PHACTR4: variants seen among roughly 807,000 people sequenced by gnomAD.
PHACTR4 encodes phosphatase and actin regulator 4, also known as protein phosphatase 1, regulatory subunit 124.
Under a neutral mutation model 72.7 loss-of-function variants are expected in PHACTR4, and 51 were observed. The ratio of observed to expected loss-of-function variants is 0.70; its 90% CI spans 0.56 to 0.89. The LOEUF is 0.89. PHACTR4 is among the 40% of genes least tolerant of loss of function. The probability of loss-of-function intolerance (pLI) is 0.00; values close to 1 mark genes in which losing one functional copy is unlikely to be tolerated. For synonymous variants in PHACTR4, 255 were observed against 302.5 expected, an observed-to-expected ratio of 0.84 and a Z score of 1.63; for missense variants, 731 against 861.8, an observed-to-expected ratio of 0.85 and a Z score of 1.90.
intron 1 of PHACTR4, among the ~76,000 whole-genome samples, chr1:28,379,393 C>T (rs1339779689): frequency 6.6e-6 from 1 of 151,486 alleles, no homozygotes; most frequent in Non-Finnish European, 1.5e-5. Flanking sequence ...CCACCTCAGC[C>T]TCCCGGGTAG....
intron 2 of PHACTR4, among the ~76,000 whole-genome samples, chr1:28,425,244 C>T (rs1018009418): frequency 1.3e-5 from 2 of 151,974 alleles, no homozygotes; most frequent in African/African-American, 4.8e-5. Context: ...TTAGCCTCCC[C>T]AGTAGCTGGG....
chr1:28,496,157 C>T (rs1421697231), intron 13 of PHACTR4, among the ~76,000 whole-genome samples: 5 of 149,496 alleles, frequency 3.3e-5, no homozygotes, highest in Admixed American at 2.0e-4. Context: ...CCCAGGTTCA[C>T]GCCATTCTCC....
At chr1:28,444,272 C>T in intron 2 of PHACTR4, among the ~76,000 whole-genome samples, 1 of 113,562 alleles carries the variant, frequency 8.8e-6, no homozygotes. Context: ...TGTCGCCAGG[C>T]TGGAATGCAG....
chr1:28,465,703 A>T lies in PHACTR4; in HGVS notation c.290A>T (p.Lys97Met). 6.2e-7 allele frequency: 1 copy of T among 1,613,728 alleles called. No homozygotes were observed. The change falls in exon 5 of 14, where the codon AAG becomes ATG. Residue 97 changes from lysine to methionine, a missense_variant. Lys to Met is a moderately conservative substitution (Grantham distance 95). Around this residue, in one of 2 missense-constraint regions of PHACTR4, gnomAD observed 621 missense variants for 676.6 expected, o/e 0.92. Coordinates refer to ENST00000373839, the MANE Select transcript of PHACTR4 (RefSeq NM_001048183.3). The stretch of plus-strand genomic sequence containing the variant: ...CTTGCAGGTGGTGAGGATCCAGGAA[A>T]GCCAAGCGATGCCATGTTAAAGAAT... Reference protein sequence around the residue: ...DPEQGGEDPGKPSDAMLKNGH... With the variant: ...DPEQGGEDPGMPSDAMLKNGH...
At chr1:28,404,256 C>T (rs1241591488) in intron 1 of PHACTR4, among the ~76,000 whole-genome samples, 2 of 121,762 alleles carry the variant, frequency 1.6e-5, no homozygotes, top group Admixed American at 1.7e-4. Context: ...GGCCTGTGTA[C>T]AAGATTTTGT....
Position 28,378,734 on chromosome 1 carries a change from A to G in PHACTR4, c.-39+8909A>G, listed in dbSNP as rs529282822. 1.5e-4 allele frequency among the ~76,000 whole-genome samples: 23 copies of G among 152,132 alleles called. No individual in the cohort carries two copies. In the South Asian group the frequency reaches 4.8e-3, roughly 32 times the overall value. On this transcript the variant is annotated intron_variant, in intron 1 of 13. Coordinates refer to ENST00000373839, the MANE Select transcript of PHACTR4 (RefSeq NM_001048183.3). ...AGAGAGGCAGATATTGGAGATGTGC[A>G]CAGAGAAAATGTAGATAATGAAGAA...
At chr1:28,438,121 T>TA (rs1656750531) in intron 2 of PHACTR4, 1 of 1,124,190 alleles carries the variant, frequency 8.9e-7, no homozygotes, top group Non-Finnish European at 1.1e-6. Flanking sequence ...ACTTCAGCTC[T>TA]ACACAGTGTG....
At chr1:28,495,617 T>TTTATTTA (rs1557855555) in intron 13 of PHACTR4, among the ~76,000 whole-genome samples, 2 of 150,026 alleles carry the variant, frequency 1.3e-5, no homozygotes, top group African/African-American at 2.5e-5. Flanking sequence ...TTATTTATTT[T>TTTATTTA]TTTTTTTTTT....
intron 2 of PHACTR4, among the ~76,000 whole-genome samples, chr1:28,410,231 G>T (rs1272498533): frequency 1.0e-5 from 1 of 99,370 alleles, no homozygotes; most frequent in East Asian, 4.4e-4. Context: ...CTCCCAAAGT[G>T]CTGGGATTAC....
At chr1:28,484,075 C>G (rs1660464995) in intron 9 of PHACTR4, among the ~76,000 whole-genome samples, 1 of 152,080 alleles carries the variant, frequency 6.6e-6, no homozygotes, top group South Asian at 2.1e-4. Flanking sequence ...GTAATCCCAG[C>G]ACGTTTGAAG....
chr1:28,481,788 TAA>T (rs879306959), intron 9 of PHACTR4, among the ~76,000 whole-genome samples: 16 of 118,404 alleles, frequency 1.4e-4, no homozygotes, highest in Admixed American at 5.3e-4. Flanking sequence ...AGACTCCATC[TAA>T]AAAAAAAAAA....
At chr1:28,439,844 GTTGT>G (rs1369761192) in intron 2 of PHACTR4, among the ~76,000 whole-genome samples, 1 of 152,118 alleles carries the variant, frequency 6.6e-6, no homozygotes, top group Non-Finnish European at 1.5e-5. Context: ...CCAAACATTA[GTTGT>G]TTGTTAGCAA....
chr1:28,449,509 G>A (rs1013211509), intron 2 of PHACTR4, among the ~76,000 whole-genome samples: 3 of 152,064 alleles, frequency 2.0e-5, no homozygotes, highest in Non-Finnish European at 2.9e-5. Context: ...TTTATCCGAA[G>A]ATGAAAGGTG....
rs185714075 is a variant in PHACTR4, at chr1:28,382,494, A to C, written c.-39+12669A>C. On this transcript the variant is annotated intron_variant, in intron 1 of 13. Coordinates refer to ENST00000373839, the MANE Select transcript of PHACTR4 (RefSeq NM_001048183.3). ...AATTTTTTGTATGTTTAGTAGAGAC[A>C]AGGTTTCACCGTGCTAGCCGGGATG... Among the ~76,000 whole-genome samples, 186 of 151,616 alleles carry C rather than the reference A, an allele frequency of 1.2e-3. 1 individual carries two copies. The highest frequency in any genetic ancestry group is 3.4e-3 in the Middle Eastern group (1 of 290).
At position 28,481,673 on chromosome 1, in the gene PHACTR4, C is replaced by T. The variant is rs144590031; in HGVS notation, c.1760+1069C>T. On this transcript the variant is annotated intron_variant, in intron 9 of 13. Coordinates refer to ENST00000373839, the MANE Select transcript of PHACTR4 (RefSeq NM_001048183.3). Reference sequence around the variant, plus strand: ...GGCATGGTGGCATGCGCCTATAGTCCCAGCTACTCGGGAGGCTGAGATCGG... The same window carrying T: ...GGCATGGTGGCATGCGCCTATAGTCTCAGCTACTCGGGAGGCTGAGATCGG... Among the ~76,000 whole-genome samples the T allele has an allele frequency of 5.9e-3, 902 of 151,688 alleles. 8 individuals are homozygous for T. Among genetic ancestry groups the T allele is most frequent in the African/African-American group, 0.02 (849 of 41,420 alleles).
At chr1:28,477,395 ACTC>A (rs923849985) in intron 8 of PHACTR4, among the ~76,000 whole-genome samples, 4 of 148,844 alleles carry the variant, frequency 2.7e-5, no homozygotes, top group African/African-American at 9.9e-5. Context: ...CTGTTATTGA[ACTC>A]CTGACCTCAT....
At chr1:28,381,964 C>T (rs929769691) in intron 1 of PHACTR4, among the ~76,000 whole-genome samples, 5 of 152,016 alleles carry the variant, frequency 3.3e-5, no homozygotes, top group African/African-American at 1.2e-4. Context: ...GATGAGGTTT[C>T]AACATGTTGG....
chr1:28,483,600 G>A (rs1660423373), intron 9 of PHACTR4, among the ~76,000 whole-genome samples: 1 of 151,794 alleles, frequency 6.6e-6, no homozygotes, highest in East Asian at 2.0e-4. Context: ...AGGAGATCAA[G>A]GCCATCCTGG....
At chr1:28,393,784 C>T (rs911153354) in intron 1 of PHACTR4, among the ~76,000 whole-genome samples, 50 of 152,220 alleles carry the variant, frequency 3.3e-4, no homozygotes, top group African/African-American at 1.1e-3. Context: ...GGGCTCACTG[C>T]AGCCTTGACC....
Sources: allele counts gnomAD v4.1 joint callset (sites outside exome capture counted in the v4.1 genomes callset), GRCh38; gene constraint gnomAD v4.1.1; regional missense constraint gnomAD v4.1.1; transcripts MANE v1.5; gene names NCBI Gene and HGNC (gene_info 2026-07-23, HGNC 2026-07-21).